The following ADAMTS19 variants were observed in gnomAD, a reference collection of about 807,000 sequenced individuals.
ADAMTS19 encodes ADAM metallopeptidase with thrombospondin type 1 motif 19.
A neutral mutation model predicts 153.3 loss-of-function variants in ADAMTS19; 93 were observed. The ratio of observed to expected loss-of-function variants is 0.61; its 90% CI spans 0.51 to 0.72. The LOEUF (loss-of-function observed/expected upper bound fraction) is 0.72. Ranked by LOEUF, ADAMTS19 falls within the 30% of genes least tolerant of loss-of-function variation. The pLI is 0.00. For missense variants in ADAMTS19, 1,482 were observed against 1,552.1 expected (o/e 0.95, Z 0.76); for synonymous variants, 600 against 556.6 (o/e 1.08, Z -1.10).
intron 7 of ADAMTS19, among the ~76,000 whole-genome samples, chr5:129,570,014 A>C (rs918388736): frequency 6.6e-6 from 1 of 152,000 alleles, no homozygotes; most frequent in Admixed American, 6.6e-5. Flanking sequence ...ATTTCTTCGG[A>C]TAATTCTCCT....
chr5:129,635,947 A>G (rs1030715274), intron 10 of ADAMTS19, among the ~76,000 whole-genome samples: 3 of 152,106 alleles, frequency 2.0e-5, no homozygotes, highest in African/African-American at 7.2e-5. Flanking sequence ...CCCAGGTTGG[A>G]GTGCAGTGGC....
chr5:129,700,083 A>G (rs1755760765), intron 19 of ADAMTS19, among the ~76,000 whole-genome samples: 1 of 152,222 alleles, frequency 6.6e-6, no homozygotes, highest in African/African-American at 2.4e-5. Flanking sequence ...TGAGAAATAC[A>G]GGGAAGATTT....
chr5:129,578,008 C>T (rs1433898518), intron 7 of ADAMTS19, among the ~76,000 whole-genome samples: 1 of 146,846 alleles, frequency 6.8e-6, no homozygotes, highest in Non-Finnish European at 1.5e-5. Context: ...TTCTTTAGCT[C>T]CCTGAAGGAA....
rs539172456 is a variant in ADAMTS19, at chr5:129,621,429, A to G, written c.1619+671A>G. ...AAGTCTTAGTGAGAAATACAGGAAC[A>G]CCTAGCTTGCTAAACTCACTACACA... On this transcript the variant is annotated intron_variant, in intron 9 of 22. Transcript: ENST00000274487. 2.7e-4 allele frequency among the ~76,000 whole-genome samples: 41 copies of G among 152,302 alleles called. No individual in the cohort carries two copies. In the South Asian group the frequency reaches 8.1e-3, roughly 30 times the overall value.
intron 10 of ADAMTS19, among the ~76,000 whole-genome samples, chr5:129,636,872 C>G (rs1039319150): frequency 3.9e-5 from 6 of 152,114 alleles, no homozygotes; most frequent in African/African-American, 1.2e-4. Context: ...CTTATAAAGT[C>G]TTATTTCTTT....
At chr5:129,648,716 A>G (rs1350888789) in intron 12 of ADAMTS19, 82 bp from the exon 13 acceptor site, 1 of 1,123,326 alleles carries the variant, frequency 8.9e-7, no homozygotes, top group African/African-American at 1.6e-5. Context: ...GTTATATATT[A>G]TTAATATAAT....
intron 6 of ADAMTS19, among the ~76,000 whole-genome samples, chr5:129,532,358 T>C (rs1752237450): frequency 6.6e-6 from 1 of 152,064 alleles, no homozygotes; most frequent in African/African-American, 2.4e-5. Context: ...CCAATAAGCA[T>C]ATAAAGAGAT....
At chr5:129,531,594 C>A (rs531036446) in intron 6 of ADAMTS19, among the ~76,000 whole-genome samples, 1 of 152,212 alleles carries the variant, frequency 6.6e-6, no homozygotes, top group Non-Finnish European at 1.5e-5. Context: ...TACTGCACGC[C>A]AGCCTGGGCG....
chr5:129,471,074 G>A (rs186662921), intron 2 of ADAMTS19, among the ~76,000 whole-genome samples: 1 of 141,326 alleles, frequency 7.1e-6, no homozygotes, highest in African/African-American at 2.7e-5. Flanking sequence ...AAAATCAGGC[G>A]GTGGGATGTA....
chr5:129,590,650 G>C (rs1283865120), intron 7 of ADAMTS19, among the ~76,000 whole-genome samples: 1 of 152,020 alleles, frequency 6.6e-6, no homozygotes, highest in Non-Finnish European at 1.5e-5. Flanking sequence ...TGTAACTTCC[G>C]TAAGAGTATT....
At chr5:129,467,171 G>C (rs1580977046) in intron 2 of ADAMTS19, among the ~76,000 whole-genome samples, 13 of 152,164 alleles carry the variant, frequency 8.5e-5, no homozygotes, top group Admixed American at 8.5e-4. Context: ...TGGTGGAAAT[G>C]GTTGTATGCT....
chr5:129,719,216 A>G (rs961966034), intron 21 of ADAMTS19, among the ~76,000 whole-genome samples: 9 of 152,184 alleles, frequency 5.9e-5, no homozygotes, highest in African/African-American at 7.2e-5. Context: ...AGTATTTAAC[A>G]TGACATTTAT....
In ADAMTS19 at chr5:129,528,616, G is replaced by A. The variant is rs376514254; in HGVS notation, c.1267G>A (p.Glu423Lys). ...EFGKKNDIHL[E>K]MSTNWGEDMT... is the part of the protein sequence containing the mutation. The stretch of plus-strand genomic sequence containing the variant: ...TGGCAAAAAGAATGATATACATTTA[G>A]AGATGTCAACAAACTGGGGGGAAGA... Residue 423 changes from glutamate (E) to lysine (K), a missense_variant, in exon 6 of 23, where the codon GAG becomes AAG. Coordinates refer to ENST00000274487, the MANE Select transcript of ADAMTS19 (RefSeq NM_133638.6). 3.7e-6 allele frequency: 6 copies of A among 1,607,556 alleles called. No individual in the cohort carries two copies. Among genetic ancestry groups the A allele is most frequent in the Non-Finnish European group, 4.2e-6 (5 of 1,177,400 alleles).
chr5:129,516,729 T>C (rs1751624209), intron 3 of ADAMTS19, among the ~76,000 whole-genome samples: 1 of 150,884 alleles, frequency 6.6e-6, no homozygotes, highest in Non-Finnish European at 1.5e-5. Context: ...TTTGTTTAAC[T>C]TTTCAAATAA....
chr5:129,467,768 C>A (rs1749918685), intron 2 of ADAMTS19, among the ~76,000 whole-genome samples: 1 of 152,212 alleles, frequency 6.6e-6, no homozygotes, highest in African/African-American at 2.4e-5. Flanking sequence ...TGTTACCACA[C>A]AGAATCTCCA....
Position 129,622,255 on chromosome 5 carries a change from G to T in ADAMTS19, c.1677G>T (p.Met559Ile), listed in dbSNP as rs766619103. 1.2e-6 allele frequency: 2 copies of T among 1,614,072 alleles called. No individual in the cohort carries two copies. The highest frequency in any genetic ancestry group is 3.3e-5 in the Admixed American group (2 of 60,004). The change falls in exon 10 of 23, where the codon ATG (methionine) becomes ATT (isoleucine). Residue 559 changes from methionine (M) to isoleucine (I), a missense_variant. Coordinates refer to ENST00000274487, the MANE Select transcript of ADAMTS19 (RefSeq NM_133638.6). The part of the protein sequence containing the change: ...QTNPQSVNSV[M>I]VPSKLPGMTY... ...ATCCGCAGAGTGTCAATTCTGTGAT[G>T]GTTCCCTCCAAGCTGCCAGGGATGA... is the stretch of plus-strand genomic sequence containing the variant.
chr5:129,603,663 C>A (rs1040980122), intron 8 of ADAMTS19, among the ~76,000 whole-genome samples: 1 of 152,100 alleles, frequency 6.6e-6, no homozygotes, highest in Admixed American at 6.6e-5. Flanking sequence ...ATCCCGTGAC[C>A]ATTTTCTGAC....
intron 21 of ADAMTS19, among the ~76,000 whole-genome samples, chr5:129,734,546 T>A (rs963006217): frequency 3.9e-5 from 6 of 152,092 alleles, no homozygotes; most frequent in Middle Eastern, 3.4e-3. Context: ...CTTCTGAACA[T>A]CGATGATTAA....
rs183048129 is a variant in ADAMTS19 at position 129,614,802 on chromosome 5, A to C, written c.1479-5816A>C. 9.7e-3 allele frequency among the ~76,000 whole-genome samples: 1,474 copies of C among 152,296 alleles called. 16 individuals are homozygous for C. Among genetic ancestry groups the C allele is most frequent in the African/African-American group, 0.033 (1,360 of 41,568 alleles). ...CTAGAAAACCCCATTGTCTCAGCCC[A>C]AAATCTCCTTAAGCTGATAAGCAAC... is the stretch of plus-strand genomic sequence containing the variant. On this transcript the variant is annotated intron_variant, in intron 8 of 22. Transcript: ENST00000274487.
Sources: gnomAD v4.1 joint callset for allele counts (sites outside exome capture counted in the v4.1 genomes callset) on GRCh38, gnomAD v4.1.1 for gene constraint, MANE v1.5 for transcripts, NCBI Gene and HGNC (gene_info 2026-07-23, HGNC 2026-07-21) for gene names.